GPR61: variants seen among roughly 807,000 people sequenced by gnomAD.
GPR61 encodes G-protein coupled receptor 61.
A neutral mutation model predicts 29.2 loss-of-function variants in GPR61; 15 were observed. The observed-to-expected ratio is 0.51, with a 90% CI of 0.34 to 0.79. GPR61 has a LOEUF of 0.79. Ranked by LOEUF, GPR61 falls within the 30% of genes least tolerant of loss-of-function variation. GPR61 has a pLI of 0.01. For missense variants in GPR61, 399 were observed against 582.5 expected (o/e 0.69, Z 3.24); for synonymous variants, 238 against 242.3 (o/e 0.98, Z 0.17).
rs1571141033 is a variant in GPR61 at position 109,544,310 on chromosome 1, C to T, written c.1288C>T (p.Leu430Phe). Residue 430 changes from leucine (L) to phenylalanine (F), a missense_variant, in exon 2 of 2, where the codon CTC becomes TTC. Leu to Phe is a conservative substitution (Grantham distance 22, BLOSUM62 0). Around this residue, in one of 3 missense-constraint regions of GPR61, gnomAD observed 320 missense variants for 459.8 expected, o/e 0.70. Transcript: ENST00000527748. The surrounding 1 kb of genome is among the most constrained non-coding windows in gnomAD (Gnocchi z 4.6). ...GACCTCTGAGTTCCTGGAGCAGCAACTCACCAGCGACATCATCATGTCAGA... is the reference window on the plus strand; with the variant it reads ...GACCTCTGAGTTCCTGGAGCAGCAATTCACCAGCGACATCATCATGTCAGA... ...EETSEFLEQQ[L>F]TSDIIMSDSY... 6.2e-7 allele frequency: 1 copy of T among 1,613,778 alleles called. No individual in the cohort carries two copies. Among genetic ancestry groups the T allele is most frequent in the Non-Finnish European group, 8.5e-7 (1 of 1,180,012 alleles).
chr1:109,544,531 C>A lies in GPR61; in HGVS notation c.*153C>A. Reference sequence around the variant, plus strand: ...AGTGTTTCCTGGGTCAGGAACAGAGCCAACAGGATGAACGTGTGCAAAAGC... The same window carrying A: ...AGTGTTTCCTGGGTCAGGAACAGAGACAACAGGATGAACGTGTGCAAAAGC... On this transcript the variant is annotated 3_prime_UTR_variant, in exon 2 of 2. Transcript: ENST00000527748. This position sits in a 1 kb window ranked among gnomAD's most constrained non-coding sequence, Gnocchi z 4.6. 1.6e-6 allele frequency: 1 copy of A among 629,652 alleles called. No homozygotes were observed. The highest frequency in any genetic ancestry group is 2.8e-6 in the Non-Finnish European group (1 of 352,098). 39.0% of individuals were successfully genotyped at this position (629,652 alleles called of 1,614,324 possible).
rs1165920051 is a variant in GPR61, at chr1:109,545,553, T to C, written c.*1175T>C. On this transcript the variant is annotated 3_prime_UTR_variant, in exon 2 of 2. Coordinates refer to ENST00000527748, the MANE Select transcript of GPR61 (RefSeq NM_001393907.1). ...GGAGTTGGTCTTGGCTGTTCATTGA[T>C]TGAGACTGTAGGAACTGTGTTGGTT... 1 of 152,262 alleles carries C rather than the reference T, an allele frequency of 6.6e-6. No homozygotes were observed. Among genetic ancestry groups the C allele is most frequent in the Non-Finnish European group, 1.5e-5 (1 of 68,068 alleles). 9.4% of individuals were successfully genotyped at this position (152,262 alleles called of 1,614,324 possible). A position where few individuals can be genotyped will look rare whatever the true frequency, so the allele number is the denominator to read the frequency against.
chr1:109,544,727 G>A lies in GPR61; in HGVS notation c.*349G>A. ...GGTAGGAGTTGGAGGATACAGGGCA[G>A]CAGGCCAGGTTTGGAGTTATTCTAG... On this transcript the variant is annotated 3_prime_UTR_variant, in exon 2 of 2. Coordinates refer to ENST00000527748, the MANE Select transcript of GPR61 (RefSeq NM_001393907.1). This position sits in a 1 kb window ranked among gnomAD's most constrained non-coding sequence, Gnocchi z 4.6. 1 of 272,146 alleles carries A rather than the reference G, an allele frequency of 3.7e-6. No individual in the cohort carries two copies. 16.9% of individuals were successfully genotyped at this position (272,146 alleles called of 1,614,324 possible).
At chr1:109,541,493 C>G (rs1236164085) in intron 1 of GPR61, among the ~76,000 whole-genome samples, 1 of 152,208 alleles carries the variant, frequency 6.6e-6, no homozygotes, top group Non-Finnish European at 1.5e-5. Context: ...CACCAAAAAC[C>G]AAAGGTGACT....
Position 109,544,437 on chromosome 1 carries a change from A to T in GPR61, c.*59A>T. On this transcript the variant is annotated 3_prime_UTR_variant, in exon 2 of 2. Transcript: ENST00000527748. This position sits in a 1 kb window ranked among gnomAD's most constrained non-coding sequence, Gnocchi z 4.6. ...GGGGCCAGTTATGATTGCAAGGACC[A>T]CCTTGTGGGATCACCTTTTCCCAGC... 1 of 1,278,954 alleles carries T rather than the reference A, an allele frequency of 7.8e-7. No homozygotes were observed. Among genetic ancestry groups the T allele is most frequent in the Admixed American group, 1.9e-5 (1 of 51,344 alleles). 79.2% of individuals were successfully genotyped at this position (1,278,954 alleles called of 1,614,324 possible).
chr1:109,542,936 G>A lies in GPR61; in HGVS notation c.-87G>A, dbSNP rs111665505. On this transcript the variant is annotated 5_prime_UTR_variant, in exon 2 of 2. Coordinates refer to ENST00000527748, the MANE Select transcript of GPR61 (RefSeq NM_001393907.1). ...CCCCCTACGAAACCAGGAAGCCTGG[G>A]CCTGGGCTCGCCATCCCAGGGTCGC... 6.5e-7 allele frequency: 1 copy of A among 1,534,232 alleles called. No homozygotes were observed. Among genetic ancestry groups the A allele is most frequent in the East Asian group, 2.4e-5 (1 of 40,962 alleles).
rs943409707 is a variant in GPR61 at position 109,543,985 on chromosome 1, G to A, written c.963G>A (p.Gln321=). 1 of 1,614,256 alleles carries A rather than the reference G, an allele frequency of 6.2e-7. No individual in the cohort carries two copies. Among genetic ancestry groups the A allele is most frequent in the Non-Finnish European group, 8.5e-7 (1 of 1,180,054 alleles). Residue 321 remains glutamine (Q), a synonymous_variant, in exon 2 of 2, where the codon CAG becomes CAA. Coordinates refer to ENST00000527748, the MANE Select transcript of GPR61 (RefSeq NM_001393907.1). The surrounding 1 kb of genome is among the most constrained non-coding windows in gnomAD (Gnocchi z 6.8). The part of the protein sequence containing the change: ...ALSAQPISTG[Q]VESVVTWIGY... ...GTGCTCAGCCCATTTCAACTGGGCA[G>A]GTGGAGAGTGTGGTCACCTGGATTG...
chr1:109,546,988 GA>G lies in GPR61; in HGVS notation c.*2614del, dbSNP rs1266548427. 6.6e-6 allele frequency: 1 copy of G among 152,214 alleles called. No homozygotes were observed. The highest frequency in any genetic ancestry group is 1.5e-5 in the Non-Finnish European group (1 of 68,042). The allele number at this position is 152,214 out of a possible 1,614,324, so 9.4% of individuals were successfully genotyped here. A position where few individuals can be genotyped will look rare whatever the true frequency, so the allele number is the denominator to read the frequency against. On this transcript the variant is annotated 3_prime_UTR_variant, in exon 2 of 2. Coordinates refer to ENST00000527748, the MANE Select transcript of GPR61 (RefSeq NM_001393907.1). ...GTTGGGGTAACTCCCAATCCTAGATGAAAACCTTAGACTTTCTGTTGTCAGG... is the reference window on the plus strand; with the variant it reads ...GTTGGGGTAACTCCCAATCCTAGATGAAACCTTAGACTTTCTGTTGTCAGG...
At position 109,543,758 on chromosome 1, in the gene GPR61, C is replaced by A. The variant is rs1227764203; in HGVS notation, c.736C>A (p.Pro246Thr). The A allele has an allele frequency of 1.2e-6, 2 of 1,613,248 alleles. No homozygotes were observed. The highest frequency in any genetic ancestry group is 1.7e-6 in the Non-Finnish European group (2 of 1,180,024). ...RVAAMQHGPL[P>T]TWMETPRQRS... ...GGCTGCCATGCAGCACGGGCCGCTG[C>A]CCACGTGGATGGAGACACCCCGGCA... The change falls in exon 2 of 2, where the codon CCC becomes ACC. Residue 246 changes from proline to threonine, a missense_variant. Physicochemically the swap from Pro to Thr is conservative, Grantham distance 38. Coordinates refer to ENST00000527748, the MANE Select transcript of GPR61 (RefSeq NM_001393907.1). This position sits in a 1 kb window ranked among gnomAD's most constrained non-coding sequence, Gnocchi z 6.8.
In GPR61 at chr1:109,542,746, G is replaced by A. The variant is rs1268866129; in HGVS notation, c.-277G>A. ...CCATTCCGAAAGCGGAGTGTTGAGTGGGTCAGGCTCCTGCACCTCTCACGT... is the reference window on the plus strand; with the variant it reads ...CCATTCCGAAAGCGGAGTGTTGAGTAGGTCAGGCTCCTGCACCTCTCACGT... On this transcript the variant is annotated 5_prime_UTR_variant, in exon 2 of 2. Coordinates refer to ENST00000527748, the MANE Select transcript of GPR61 (RefSeq NM_001393907.1). 2 of 650,340 alleles carry A rather than the reference G, an allele frequency of 3.1e-6. No homozygotes were observed. Among genetic ancestry groups the A allele is most frequent in the Non-Finnish European group, 5.7e-6 (2 of 351,664 alleles). 40.3% of individuals were successfully genotyped at this position (650,340 alleles called of 1,614,324 possible).
chr1:109,542,096 T>C (rs898839863), intron 1 of GPR61, among the ~76,000 whole-genome samples: 1 of 152,214 alleles, frequency 6.6e-6, no homozygotes, highest in African/African-American at 2.4e-5. Context: ...CATGGCACAG[T>C]GGGCAAGAGT....
chr1:109,542,861 T>C lies in GPR61; in HGVS notation c.-162T>C. On this transcript the variant is annotated 5_prime_UTR_variant, in exon 2 of 2. Transcript: ENST00000527748. ...CTTCTGATCCTTCAGCTGCCTGGCC[T>C]GGCGCTCTGTACGCAGACAAACCTG... is the stretch of plus-strand genomic sequence containing the variant. 1 of 963,460 alleles carries C rather than the reference T, an allele frequency of 1.0e-6. No homozygotes were observed. Among genetic ancestry groups the C allele is most frequent in the Non-Finnish European group, 1.6e-6 (1 of 620,656 alleles). 59.7% of individuals were successfully genotyped at this position (963,460 alleles called of 1,614,324 possible).
rs763678754 is a variant in GPR61 at position 109,543,881 on chromosome 1, G to C, written c.859G>C (p.Val287Leu). The change falls in exon 2 of 2, where the codon GTG becomes CTG. Residue 287 changes from valine (V) to leucine (L), a missense_variant. By Grantham distance (32) the Val-to-Leu change is conservative (BLOSUM62 1). Around this residue, in one of 3 missense-constraint regions of GPR61, gnomAD observed 320 missense variants for 459.8 expected, o/e 0.70. Coordinates refer to ENST00000527748, the MANE Select transcript of GPR61 (RefSeq NM_001393907.1). The surrounding 1 kb of genome is among the most constrained non-coding windows in gnomAD (Gnocchi z 6.8). ...HRTFGGGKAA[V>L]VLLAVGGQFL... ...GACGTTTGGGGGAGGGAAAGCAGCA[G>C]TGGTTCTCCTGGCTGTGGGGGGACA... 43 of 1,613,388 alleles carry C rather than the reference G, an allele frequency of 2.7e-5. No homozygotes were observed. The highest frequency in any genetic ancestry group is 3.1e-5 in the Non-Finnish European group (36 of 1,180,050).
At chr1:109,541,642 T>C (rs1280095017) in intron 1 of GPR61, among the ~76,000 whole-genome samples, 2 of 152,192 alleles carry the variant, frequency 1.3e-5, no homozygotes, top group Admixed American at 6.5e-5. Flanking sequence ...CTGTAGTAAG[T>C]CTAGAACCAA....
In GPR61 at chr1:109,541,170, A is replaced by C. The variant is rs541446832; in HGVS notation, c.-602+1217A>C. 3.3e-5 allele frequency among the ~76,000 whole-genome samples: 5 copies of C among 152,290 alleles called. No individual in the cohort carries two copies. In the South Asian group the frequency reaches 8.3e-4, roughly 25 times the overall value. On this transcript the variant is annotated intron_variant, in intron 1 of 1. Coordinates refer to ENST00000527748, the MANE Select transcript of GPR61 (RefSeq NM_001393907.1). ...GTCTCACTTTTGTGCCCGCTCTTCA[A>C]CTTCTCTGCAGACTCTAAGTCTCTG...
At position 109,544,475 on chromosome 1, in the gene GPR61, A is replaced by C; in HGVS notation, c.*97A>C. 1.1e-6 allele frequency: 1 copy of C among 888,622 alleles called. No homozygotes were observed. The highest frequency in any genetic ancestry group is 1.8e-6 in the Non-Finnish European group (1 of 569,960). 55.0% of individuals were successfully genotyped at this position (888,622 alleles called of 1,614,324 possible). ...ACCTTTTCCCAGCTGGCTAGGGCTGAGGCTGGGGTCTCTGCACACAGCTTT... is the reference window on the plus strand; with the variant it reads ...ACCTTTTCCCAGCTGGCTAGGGCTGCGGCTGGGGTCTCTGCACACAGCTTT... On this transcript the variant is annotated 3_prime_UTR_variant, in exon 2 of 2. Transcript: ENST00000527748. The surrounding 1 kb of genome is among the most constrained non-coding windows in gnomAD (Gnocchi z 4.6).
chr1:109,543,889 C>G lies in GPR61; in HGVS notation c.867C>G (p.Leu289=). The G allele has an allele frequency of 6.2e-7, 1 of 1,613,636 alleles. No homozygotes were observed. Among genetic ancestry groups the G allele is most frequent in the South Asian group, 1.1e-5 (1 of 91,082 alleles). ...GGGGAGGGAAAGCAGCAGTGGTTCT[C>G]CTGGCTGTGGGGGGACAGTTCCTGC... The part of the protein sequence containing the change: ...TFGGGKAAVV[L]LAVGGQFLLC... Residue 289 remains leucine, a synonymous_variant, in exon 2 of 2, where the codon CTC becomes CTG. Coordinates refer to ENST00000527748, the MANE Select transcript of GPR61 (RefSeq NM_001393907.1). This position sits in a 1 kb window ranked among gnomAD's most constrained non-coding sequence, Gnocchi z 6.8.
chr1:109,541,526 G>C (rs1283201038), intron 1 of GPR61, among the ~76,000 whole-genome samples: 1 of 152,260 alleles, frequency 6.6e-6, no homozygotes, highest in Non-Finnish European at 1.5e-5. Flanking sequence ...CTGTGGAGGA[G>C]AGTGGGGCCC....
rs1256653805 is a variant in GPR61 at position 109,545,824 on chromosome 1, T to C, written c.*1446T>C. 3 of 152,204 alleles carry C rather than the reference T, an allele frequency of 2.0e-5. No individual in the cohort carries two copies. The highest frequency in any genetic ancestry group is 4.4e-5 in the Non-Finnish European group (3 of 68,026). 9.4% of individuals were successfully genotyped at this position (152,204 alleles called of 1,614,324 possible). A position where few individuals can be genotyped will look rare whatever the true frequency, so the allele number is the denominator to read the frequency against. ...TTAAGCAGCTAATAAATAATTTTTA[T>C]GATAAAAGGTTATACTGATAACAAC... is the stretch of plus-strand genomic sequence containing the variant. On this transcript the variant is annotated 3_prime_UTR_variant, in exon 2 of 2. Coordinates refer to ENST00000527748, the MANE Select transcript of GPR61 (RefSeq NM_001393907.1).
Sources: allele counts gnomAD v4.1 joint callset (sites outside exome capture counted in the v4.1 genomes callset), GRCh38; gene constraint gnomAD v4.1.1; regional missense constraint gnomAD v4.1.1; non-coding constraint Gnocchi (gnomAD v3.1); transcripts MANE v1.5; gene names NCBI Gene and HGNC (gene_info 2026-07-23, HGNC 2026-07-21).